GNG7: variants seen among roughly 807,000 people sequenced by gnomAD.
GNG7 encodes G protein subunit gamma 7, also known as guanine nucleotide-binding protein G(I)/G(S)/G(O) subunit gamma-7.
In GNG7, 1 loss-of-function variant was observed where a neutral mutation model predicts 4.0. The observed-to-expected ratio is 0.25, with a 90% CI of 0.09 to 1.18. The LOEUF (loss-of-function observed/expected upper bound fraction) is 1.18. GNG7 is among the 50% of genes most tolerant of loss of function. The pLI, the probability that GNG7 is intolerant of heterozygous loss-of-function variation, is 0.50. For missense variants in GNG7, 86 were observed against 91.9 expected (o/e 0.94, Z 0.26); for synonymous variants, 34 against 36.9 (o/e 0.92, Z 0.29).
chr19:2,677,487 T>G (rs1192568432), intron 1 of GNG7, among the ~76,000 whole-genome samples: 1 of 151,060 alleles, frequency 6.6e-6, no homozygotes, highest in East Asian at 2.0e-4. Flanking sequence ...GGGGAGAGAC[T>G]CTGCCTTAAT....
Position 2,617,801 on chromosome 19 carries a change from C to G in GNG7, c.-78+28423G>C, listed in dbSNP as rs1170129558. Among the ~76,000 whole-genome samples, 1 of 151,934 alleles carries G rather than the reference C, an allele frequency of 6.6e-6. No individual in the cohort carries two copies. The highest frequency in any genetic ancestry group is 2.4e-5 in the African/African-American group (1 of 41,318). ...TGGTGCAGTCACAGCTCACCGCAAC[C>G]TCAGCCTCCTGGGCTCAAGTGATCC... On this transcript the variant is annotated intron_variant, in intron 2 of 4. Transcript: ENST00000382159. This position sits in a 1 kb window ranked among gnomAD's most constrained non-coding sequence, Gnocchi z 4.7.
At chr19:2,597,843 C>G (rs2144808722) in intron 2 of GNG7, among the ~76,000 whole-genome samples, 2 of 150,098 alleles carry the variant, frequency 1.3e-5, no homozygotes, top group African/African-American at 4.9e-5. Flanking sequence ...TTGCAGTGAG[C>G]CGAGATTGCG....
chr19:2,589,371 CTTTTTTTTTTT>C (rs33940288), intron 2 of GNG7, among the ~76,000 whole-genome samples: 3 of 100,574 alleles, frequency 3.0e-5, no homozygotes, highest in Non-Finnish European at 5.7e-5. Context: ...TACAGGTGCA[CTTTTTTTTTTT>C]TTTTTTTTTT....
rs1333002179 is a variant in GNG7, at chr19:2,546,638, C to T, written c.-38+8511G>A. On this transcript the variant is annotated intron_variant, in intron 3 of 4. Coordinates refer to ENST00000382159, the MANE Select transcript of GNG7 (RefSeq NM_052847.3). The surrounding 1 kb of genome is among the most constrained non-coding windows in gnomAD (Gnocchi z 6.3). ...AATAGACCAGCGGGGCAGGTCCCGCCGCTGCCTTCAGCCGGAGCTTGGAGC... is the reference window on the plus strand; with the variant it reads ...AATAGACCAGCGGGGCAGGTCCCGCTGCTGCCTTCAGCCGGAGCTTGGAGC... Among the ~76,000 whole-genome samples, 1 of 152,178 alleles carries T rather than the reference C, an allele frequency of 6.6e-6. No individual in the cohort carries two copies. Among genetic ancestry groups the T allele is most frequent in the African/African-American group, 2.4e-5 (1 of 41,440 alleles).
In GNG7 at chr19:2,581,344, G is replaced by A. The variant is rs868852668; in HGVS notation, c.-77-26156C>T. ...GGTGATGGGGGTGGGGGGGTGGGGG[G>A]CGGAGGGTGTCTCTCGGGTGGCCTG... On this transcript the variant is annotated intron_variant, in intron 2 of 4. Coordinates refer to ENST00000382159, the MANE Select transcript of GNG7 (RefSeq NM_052847.3). Among the ~76,000 whole-genome samples the A allele has an allele frequency of 2.7e-3, 361 of 135,402 alleles. 1 individual carries two copies. Among genetic ancestry groups the A allele is most frequent in the African/African-American group, 9.3e-3 (350 of 37,498 alleles). 88.8% of individuals were successfully genotyped at this position (135,402 alleles called of 152,430 possible).
intron 2 of GNG7, among the ~76,000 whole-genome samples, chr19:2,556,365 AGCT>A (rs1382127104): frequency 6.6e-6 from 1 of 152,146 alleles, no homozygotes; most frequent in Non-Finnish European, 1.5e-5. Flanking sequence ...CAGCTTCCTG[AGCT>A]GCTCGAGGCC....
chr19:2,649,129 T>G (rs1192273468), intron 1 of GNG7, among the ~76,000 whole-genome samples: 1 of 151,850 alleles, frequency 6.6e-6, no homozygotes, highest in Non-Finnish European at 1.5e-5. Flanking sequence ...AGAGACAGGG[T>G]CTTTGCTATG....
Position 2,511,956 on chromosome 19 carries a change from G to C in GNG7, c.*3066C>G. ...CCCAGGTGGGTCACAACAGGGTCGG[G>C]GCCTGGCCCGCTGTGGCCCTTCACC... On this transcript the variant is annotated 3_prime_UTR_variant, in exon 5 of 5. Coordinates refer to ENST00000382159, the MANE Select transcript of GNG7 (RefSeq NM_052847.3). The surrounding 1 kb of genome is among the most constrained non-coding windows in gnomAD (Gnocchi z 6.3). 1.0e-6 allele frequency: 1 copy of C among 985,916 alleles called. No homozygotes were observed. Among genetic ancestry groups the C allele is most frequent in the Non-Finnish European group, 1.2e-6 (1 of 830,000 alleles). 61.1% of individuals were successfully genotyped at this position (985,916 alleles called of 1,614,324 possible).
At chr19:2,666,848 T>C (rs1983323900) in intron 1 of GNG7, among the ~76,000 whole-genome samples, 1 of 152,184 alleles carries the variant, frequency 6.6e-6, no homozygotes, top group South Asian at 2.1e-4. Context: ...AGGCCATTGG[T>C]TGAGACCCTC....
At chr19:2,665,077 G>A (rs1983271698) in intron 1 of GNG7, among the ~76,000 whole-genome samples, 1 of 151,676 alleles carries the variant, frequency 6.6e-6, no homozygotes, top group African/African-American at 2.4e-5. Flanking sequence ...GAGGGAGAGA[G>A]GAGGTGAATC....
chr19:2,665,362 G>T (rs1056643993), intron 1 of GNG7, among the ~76,000 whole-genome samples: 19 of 28,884 alleles, frequency 6.6e-4, no homozygotes, highest in Admixed American at 1.5e-3. Flanking sequence ...AGTGTCCCCT[G>T]GGGGGGGGGG....
chr19:2,660,162 G>A (rs1320633334), intron 1 of GNG7, among the ~76,000 whole-genome samples: 2 of 152,178 alleles, frequency 1.3e-5, no homozygotes, highest in African/African-American at 4.8e-5. Flanking sequence ...GGATGCATGT[G>A]TAAATCCCAT....
At chr19:2,664,556 C>A (rs57549486) in intron 1 of GNG7, among the ~76,000 whole-genome samples, 14 of 152,150 alleles carry the variant, frequency 9.2e-5, no homozygotes, top group Admixed American at 8.5e-4. Context: ...CTCTGTGAGC[C>A]GAGGTCAAGG....
Position 2,512,973 on chromosome 19 carries a change from G to T in GNG7, c.*2049C>A, listed in dbSNP as rs921512686. Reference sequence around the variant, plus strand: ...GGCTGCAGTCTCCGGGAGCCTCTGGGGCTCTCCCGGGCCAACAGCAGGTTT... The same window carrying T: ...GGCTGCAGTCTCCGGGAGCCTCTGGTGCTCTCCCGGGCCAACAGCAGGTTT... On this transcript the variant is annotated 3_prime_UTR_variant, in exon 5 of 5. Transcript: ENST00000382159. This position sits in a 1 kb window ranked among gnomAD's most constrained non-coding sequence, Gnocchi z 4.7. The T allele has an allele frequency of 4.1e-6, 4 of 985,322 alleles. No homozygotes were observed. Among genetic ancestry groups the T allele is most frequent in the Non-Finnish European group, 4.8e-6 (4 of 829,954 alleles). The allele number at this position is 985,322 out of a possible 1,614,324, so 61.0% of individuals were successfully genotyped here. A position where few individuals can be genotyped will look rare whatever the true frequency, so the allele number is the denominator to read the frequency against.
chr19:2,695,505 C>T (rs1279205001), intron 1 of GNG7, among the ~76,000 whole-genome samples: 1 of 152,106 alleles, frequency 6.6e-6, no homozygotes, highest in Non-Finnish European at 1.5e-5. Flanking sequence ...GGGCCTTTGT[C>T]GGATAGAGGA....
chr19:2,595,963 G>A (rs553559843), intron 2 of GNG7, among the ~76,000 whole-genome samples: 1 of 151,998 alleles, frequency 6.6e-6, no homozygotes, highest in Non-Finnish European at 1.5e-5. Context: ...ATCAACGACC[G>A]AATCCAGCTC....
chr19:2,615,454 G>GTTT (rs56036626), intron 2 of GNG7, among the ~76,000 whole-genome samples: 2 of 48,814 alleles, frequency 4.1e-5, no homozygotes, highest in Non-Finnish European at 7.6e-5. Context: ...GTCTTTTCCG[G>GTTT]TTTTTTTTTT....
intron 2 of GNG7, among the ~76,000 whole-genome samples, chr19:2,602,117 A>C (rs982364803): frequency 6.6e-6 from 1 of 151,720 alleles, no homozygotes; most frequent in African/African-American, 2.4e-5. Flanking sequence ...TGGGCAGGTC[A>C]CCTGAGGTCA....
At chr19:2,516,308 C>T (rs1972734259) in intron 4 of GNG7, among the ~76,000 whole-genome samples, 1 of 152,030 alleles carries the variant, frequency 6.6e-6, no homozygotes, top group South Asian at 2.1e-4. Flanking sequence ...ACTGCAATCT[C>T]TTGCTCCCCG....
Sources: gnomAD v4.1 joint callset for allele counts (sites outside exome capture counted in the v4.1 genomes callset) on GRCh38, gnomAD v4.1.1 for gene constraint, Gnocchi (gnomAD v3.1) non-coding constraint, MANE v1.5 for transcripts, NCBI Gene and HGNC (gene_info 2026-07-23, HGNC 2026-07-21) for gene names.